SH3RF3: variants seen among roughly 807,000 people sequenced by gnomAD.
The protein encoded by SH3RF3 is SH3 domain containing ring finger 3.
Under a neutral mutation model 66.3 loss-of-function variants are expected in SH3RF3, and 29 were observed. The observed-to-expected ratio is 0.44, with a 90% CI of 0.33 to 0.60. The LOEUF is 0.60. SH3RF3 is among the 20% of genes least tolerant of loss of function. SH3RF3 has a pLI of 0.04. For synonymous variants in SH3RF3, 583 were observed against 532.0 expected (o/e 1.10, Z -1.32); for missense variants, 1,194 against 1,190.9 (o/e 1.00, Z -0.04).
chr2:109,314,566 C>G (rs887718213), intron 1 of SH3RF3, among the ~76,000 whole-genome samples: 2 of 152,170 alleles, frequency 1.3e-5, no homozygotes, highest in Non-Finnish European at 2.9e-5. Context: ...TTTATTATTC[C>G]TGCCACTTCA....
chr2:109,239,113 TTTTCC>T (rs1679719371), intron 1 of SH3RF3, among the ~76,000 whole-genome samples: 1 of 152,212 alleles, frequency 6.6e-6, no homozygotes. Context: ...AAGACACGTC[TTTTCC>T]GAGTGTCCCA....
At chr2:109,470,211 T>A (rs1311492330) in intron 8 of SH3RF3, among the ~76,000 whole-genome samples, 2 of 151,572 alleles carry the variant, frequency 1.3e-5, no homozygotes, top group Non-Finnish European at 2.9e-5. Context: ...CGTAAAGAGA[T>A]GAGATTACTT....
chr2:109,401,044 G>T (rs1676300491), intron 4 of SH3RF3, among the ~76,000 whole-genome samples: 1 of 152,230 alleles, frequency 6.6e-6, no homozygotes, highest in African/African-American at 2.4e-5. Flanking sequence ...CTCCCTGTGT[G>T]TGTGCACATC....
chr2:109,475,100 C>G (rs1205622155), intron 8 of SH3RF3, among the ~76,000 whole-genome samples: 1 of 152,174 alleles, frequency 6.6e-6, no homozygotes, highest in Admixed American at 6.5e-5. Context: ...GCCTCAGCCT[C>G]TTGAGTGGCT....
intron 1 of SH3RF3, among the ~76,000 whole-genome samples, chr2:109,158,449 C>T (rs940572970): frequency 6.6e-6 from 1 of 152,180 alleles, no homozygotes; most frequent in African/African-American, 2.4e-5. Flanking sequence ...GCAGGTTCAG[C>T]TGAGGGCAGG....
intron 1 of SH3RF3, among the ~76,000 whole-genome samples, chr2:109,144,699 T>G (rs925772308): frequency 6.6e-6 from 1 of 152,216 alleles, no homozygotes; most frequent in African/African-American, 2.4e-5. Flanking sequence ...TGGGTCCAGG[T>G]TGGGCCACTC....
intron 7 of SH3RF3, among the ~76,000 whole-genome samples, chr2:109,442,945 C>T (rs895821328): frequency 4.6e-5 from 7 of 152,144 alleles, no homozygotes; most frequent in Non-Finnish European, 4.4e-5. Flanking sequence ...AAAAAACCAA[C>T]GATATGCTGT....
chr2:109,384,356 G>C (rs1675768758), intron 3 of SH3RF3, among the ~76,000 whole-genome samples: 1 of 152,152 alleles, frequency 6.6e-6, no homozygotes, highest in African/African-American at 2.4e-5. Context: ...CTGGGAGGAG[G>C]GAACTGCAGT....
chr2:109,197,837 G>T (rs1188775056), intron 1 of SH3RF3, among the ~76,000 whole-genome samples: 1 of 152,238 alleles, frequency 6.6e-6, no homozygotes, highest in Non-Finnish European at 1.5e-5. Flanking sequence ...AGGAACTCCA[G>T]GAGAAAGGAA....
intron 1 of SH3RF3, among the ~76,000 whole-genome samples, chr2:109,254,646 G>T (rs10153709): frequency 0.038 from 5,853 of 152,210 alleles, 370 homozygotes; most frequent in African/African-American, 0.13. Context: ...TTTGTCTTCT[G>T]CTGGGTTTCA....
In SH3RF3 at chr2:109,398,813, G is replaced by C. The variant is rs763027417; in HGVS notation, c.1169G>C (p.Arg390Thr). The change falls in exon 4 of 10, where the codon AGA (arginine) becomes ACA (threonine). Residue 390 changes from arginine to threonine, a missense_variant. Arg to Thr is a moderately conservative substitution (Grantham distance 71). Transcript: ENST00000309415. Reference sequence around the variant, plus strand: ...TTCACCGCGCTCAGTGTGACGCACAGATCCTCCCAGGCTGCCAGCCACAGG... The same window carrying C: ...TTCACCGCGCTCAGTGTGACGCACACATCCTCCCAGGCTGCCAGCCACAGG... ...HSFTALSVTH[R>T]SSQAASHRHS... The C allele has an allele frequency of 2.4e-5, 39 of 1,613,892 alleles. No homozygotes were observed. In the South Asian group the frequency reaches 4.2e-4, roughly 17 times the overall value.
Position 109,398,904 on chromosome 2 carries a change from T to G in SH3RF3, c.1260T>G (p.Ile420Met), listed in dbSNP as rs1573220369. The change falls in exon 4 of 10, where the codon ATT becomes ATG. Residue 420 changes from isoleucine (I) to methionine (M), a missense_variant. Transcript: ENST00000309415. The stretch of plus-strand genomic sequence containing the variant: ...GCGATCCCCGAGCCGCGGCCAGGAT[T>G]GGAGACCTTGCTCATCTGTCGTGCG... Reference protein sequence around the residue: ...SSSDPRAAARIGDLAHLSCAA... With the variant: ...SSSDPRAAARMGDLAHLSCAA... 6.2e-7 allele frequency: 1 copy of G among 1,613,438 alleles called. No homozygotes were observed. The highest frequency in any genetic ancestry group is 1.1e-5 in the South Asian group (1 of 91,066).
chr2:109,447,766 G>C (rs760325231), intron 7 of SH3RF3, among the ~76,000 whole-genome samples: 4 of 152,164 alleles, frequency 2.6e-5, no homozygotes, highest in Non-Finnish European at 5.9e-5. Context: ...CTATTAATGT[G>C]GTGCTGTGTT....
chr2:109,277,714 G>T (rs576169709), intron 1 of SH3RF3, among the ~76,000 whole-genome samples: 5 of 152,330 alleles, frequency 3.3e-5, no homozygotes, highest in African/African-American at 9.6e-5. Flanking sequence ...GGTGTATTGT[G>T]ACAACAAGAT....
intron 8 of SH3RF3, among the ~76,000 whole-genome samples, chr2:109,454,258 A>T (rs1287987085): frequency 1.3e-5 from 2 of 152,194 alleles, no homozygotes; most frequent in African/African-American, 4.8e-5. Flanking sequence ...ATTTATAATT[A>T]CTTTGTCTAC....
chr2:109,340,443 A>G (rs1432668546), intron 1 of SH3RF3, among the ~76,000 whole-genome samples: 1 of 152,186 alleles, frequency 6.6e-6, no homozygotes, highest in African/African-American at 2.4e-5. Flanking sequence ...GAGAAGGTTT[A>G]CACCCAAGGA....
intron 2 of SH3RF3, among the ~76,000 whole-genome samples, chr2:109,362,746 A>G (rs529266804): frequency 9.2e-5 from 14 of 152,252 alleles, no homozygotes; most frequent in Admixed American, 5.2e-4. Context: ...GTATTTTGAC[A>G]CTGTTGTTAG....
intron 8 of SH3RF3, among the ~76,000 whole-genome samples, chr2:109,474,940 T>G (rs1036826378): frequency 6.6e-6 from 1 of 152,214 alleles, no homozygotes; most frequent in Non-Finnish European, 1.5e-5. Context: ...CCTTTCAGTG[T>G]TTTTTGTCTT....
chr2:109,304,822 A>C lies in SH3RF3; in HGVS notation c.574-42852A>C, dbSNP rs140767425. ...GGACAGCTGTGAATTGCTAGATTAG[A>C]CCTCGTGAGAGCCACTTCAGGGGGA... On this transcript the variant is annotated intron_variant, in intron 1 of 9. Coordinates refer to ENST00000309415, the MANE Select transcript of SH3RF3 (RefSeq NM_001099289.3). 6.8e-4 allele frequency among the ~76,000 whole-genome samples: 103 copies of C among 152,160 alleles called. 2 individuals carry two copies. In the East Asian group the frequency reaches 0.019, roughly 27 times the overall value.
Sources: gnomAD v4.1 joint callset for allele counts (sites outside exome capture counted in the v4.1 genomes callset) on GRCh38, gnomAD v4.1.1 for gene constraint, MANE v1.5 for transcripts, NCBI Gene and HGNC (gene_info 2026-07-23, HGNC 2026-07-21) for gene names.